Variants in CLCA2 observed in about 807,000 individuals in gnomAD.
The protein encoded by CLCA2 is calcium-activated chloride channel regulator 2.
In CLCA2, 85 loss-of-function variants were observed where a neutral mutation model predicts 82.9. The observed-to-expected ratio is 1.03, with a 90% CI of 0.86 to 1.23. The LOEUF is 1.23. Ranked by LOEUF, CLCA2 falls within the 50% of genes most tolerant of loss-of-function variation. The pLI, the probability that CLCA2 is intolerant of heterozygous loss-of-function variation, is 0.00. For synonymous variants in CLCA2, 421 were observed against 391.7 expected (o/e 1.07, Z -0.88); for missense variants, 1,089 against 1,124.8 (o/e 0.97, Z 0.45).
chr1:86,426,718 G>A (rs1198915888), intron 2 of CLCA2, among the ~76,000 whole-genome samples: 2 of 152,154 alleles, frequency 1.3e-5, no homozygotes, highest in East Asian at 1.9e-4. Context: ...CTAACAGCTA[G>A]TAAATTACAG....
chr1:86,434,544 C>G lies in CLCA2; in HGVS notation c.771C>G (p.Thr257=), dbSNP rs771951169. The G allele has an allele frequency of 6.2e-7, 1 of 1,613,896 alleles. No individual in the cohort carries two copies. The highest frequency in any genetic ancestry group is 1.7e-5 in the Admixed American group (1 of 59,990). The change falls in exon 6 of 14, where the codon ACC becomes ACG. Residue 257 remains threonine (T), a synonymous_variant. Transcript: ENST00000370565. ...TGGTTGAATTTTGTAATGCAAGTAC[C>G]CACAACCAAGAAGCACCAAACCTAC... ...SSVVEFCNAS[T]HNQEAPNLQN...
intron 2 of CLCA2, 138 bp downstream of exon 2, chr1:86,425,614 A>G: frequency 6.8e-6 from 4 of 589,264 alleles, no homozygotes; most frequent in Non-Finnish European, 7.6e-6. Context: ...TAATGGGCAG[A>G]ATGTTATCAA....
chr1:86,447,778 G>A lies in CLCA2; in HGVS notation c.1984G>A (p.Gly662Ser), dbSNP rs768615512. The A allele has an allele frequency of 1.9e-6, 3 of 1,610,658 alleles. No individual in the cohort carries two copies. Among genetic ancestry groups the A allele is most frequent in the African/African-American group, 2.7e-5 (2 of 75,028 alleles). The stretch of plus-strand genomic sequence containing the variant: ...GCTGAGACTCCTTGATGATGGAGCA[G>A]GTAACAAGGAATGTCATGACATTTT... ...VTLRLLDDGA[G>S]ADVIKNDGIY... Residue 662 changes from glycine to serine, a missense_variant and splice_region_variant, in exon 11 of 14, where the codon GGT becomes AGT. Coordinates refer to ENST00000370565, the MANE Select transcript of CLCA2 (RefSeq NM_006536.7).
intron 9 of CLCA2, among the ~76,000 whole-genome samples, chr1:86,442,466 C>T (rs2252313): frequency 0.81 from 123,416 of 152,158 alleles, 50,536 homozygotes; most frequent in Non-Finnish European, 0.86. Flanking sequence ...CCCAAACTTG[C>T]CCCCCTCCCG....
intron 1 of CLCA2, 66 bp from the exon 2 acceptor site, chr1:86,425,273 A>T (rs1662364740): frequency 8.2e-7 from 1 of 1,217,504 alleles, no homozygotes; most frequent in South Asian, 1.6e-5. Flanking sequence ...GTTTAAGCAT[A>T]CCAGAAAACC....
At chr1:86,443,345 G>A (rs12087904) in intron 9 of CLCA2, among the ~76,000 whole-genome samples, 14,200 of 152,132 alleles carry the variant, frequency 0.093, 743 homozygotes, top group Middle Eastern at 0.16. Context: ...ATTTTTTAAC[G>A]TAGCAAAACC....
At chr1:86,446,121 G>A (rs1409948892) in intron 10 of CLCA2, among the ~76,000 whole-genome samples, 1 of 152,054 alleles carries the variant, frequency 6.6e-6, no homozygotes, top group African/African-American at 2.4e-5. Flanking sequence ...AATCCAGTAG[G>A]GGTCCAACAG....
intron 9 of CLCA2, among the ~76,000 whole-genome samples, chr1:86,443,324 C>T (rs971090686): frequency 6.6e-6 from 1 of 152,140 alleles, no homozygotes; most frequent in Non-Finnish European, 1.5e-5. Flanking sequence ...CCACTGTGCC[C>T]GGCCTAAATA....
chr1:86,455,281 T>C lies in CLCA2; in HGVS notation c.2586T>C (p.Ile862=). Residue 862 remains isoleucine, a synonymous_variant, in exon 14 of 14, where the codon ATT becomes ATC. Coordinates refer to ENST00000370565, the MANE Select transcript of CLCA2 (RefSeq NM_006536.7). ...PNGETHESHR[I]YVAIRAMDRN... is the part of the protein sequence containing the mutation. ...GAGAAACACATGAAAGCCACAGAAT[T>C]TATGTTGCAATACGAGCAATGGATA... 1 of 1,614,118 alleles carries C rather than the reference T, an allele frequency of 6.2e-7. No individual in the cohort carries two copies. Among genetic ancestry groups the C allele is most frequent in the Non-Finnish European group, 8.5e-7 (1 of 1,180,016 alleles).
chr1:86,441,003 T>C (rs1288071080), intron 8 of CLCA2, among the ~76,000 whole-genome samples: 1 of 152,234 alleles, frequency 6.6e-6, no homozygotes, highest in East Asian at 1.9e-4. Context: ...AATAATTTTA[T>C]CTTATATTCC....
At chr1:86,425,500 A>C in intron 2 of CLCA2, 24 bp downstream of exon 2, 1 of 1,501,700 alleles carries the variant, frequency 6.7e-7, no homozygotes, top group East Asian at 2.4e-5. Flanking sequence ...ATTTCATTCA[A>C]TGATCTCAAG....
At chr1:86,437,732 G>A (rs763121087) in intron 6 of CLCA2, among the ~76,000 whole-genome samples, 16 of 152,100 alleles carry the variant, frequency 1.1e-4, no homozygotes, top group African/African-American at 3.9e-4. Flanking sequence ...CAAGAATATG[G>A]AGGCTGGTAA....
rs780019051 is a variant in CLCA2, at chr1:86,455,850, G to A, written c.*323G>A. 1.2e-4 allele frequency: 20 copies of A among 162,976 alleles called. No individual in the cohort carries two copies. Among genetic ancestry groups the A allele is most frequent in the Non-Finnish European group, 2.3e-4 (17 of 75,528 alleles). The allele number at this position is 162,976 out of a possible 1,614,324, so 10.1% of individuals were successfully genotyped here. A position where few individuals can be genotyped will look rare whatever the true frequency, so the allele number is the denominator to read the frequency against. On this transcript the variant is annotated 3_prime_UTR_variant, in exon 14 of 14. Transcript: ENST00000370565. ...GAAAAATAGCCCCAAGCAGAGAAAA[G>A]GAGGGTAGGTCTGCATTATAACTGT...
At position 86,453,523 on chromosome 1, in the gene CLCA2, T is replaced by G. The variant is rs1400540257; in HGVS notation, c.2310T>G (p.Ile770Met). The G allele has an allele frequency of 6.2e-7, 1 of 1,614,180 alleles. No homozygotes were observed. The highest frequency in any genetic ancestry group is 2.2e-5 in the East Asian group (1 of 44,872). The change falls in exon 13 of 14, where the codon ATT becomes ATG. Residue 770 changes from isoleucine to methionine, a missense_variant. Transcript: ENST00000370565. ...ATGTGTTTCCACCATGCAAAATTATTGACCTGGAAGCTGTAAAAGTAGAAG... is the reference window on the plus strand; with the variant it reads ...ATGTGTTTCCACCATGCAAAATTATGGACCTGGAAGCTGTAAAAGTAGAAG... The part of the protein sequence containing the change: ...HPDVFPPCKI[I>M]DLEAVKVEEE...
At position 86,438,868 on chromosome 1, in the gene CLCA2, G is replaced by A; in HGVS notation, c.973-8G>A. On this transcript the variant is annotated splice_region_variant and splice_polypyrimidine_tract_variant and intron_variant, in intron 6 of 13. Coordinates refer to ENST00000370565, the MANE Select transcript of CLCA2 (RefSeq NM_006536.7). ...TTGCCATTTTCTTTTTTCCTTTTTG[G>A]GACATAGGCTGACAGACTCCTTCAA... is the stretch of plus-strand genomic sequence containing the variant. 6.2e-7 allele frequency: 1 copy of A among 1,609,194 alleles called. No homozygotes were observed. Among genetic ancestry groups the A allele is most frequent in the East Asian group, 2.2e-5 (1 of 44,816 alleles).
chr1:86,437,453 G>T (rs545532663), intron 6 of CLCA2, among the ~76,000 whole-genome samples: 21 of 152,322 alleles, frequency 1.4e-4, no homozygotes, highest in African/African-American at 5.1e-4. Flanking sequence ...TTCACTGAGA[G>T]AATCAATTTG....
At chr1:86,436,216 T>C (rs1662606914) in intron 6 of CLCA2, among the ~76,000 whole-genome samples, 1 of 152,210 alleles carries the variant, frequency 6.6e-6, no homozygotes, top group South Asian at 2.1e-4. Context: ...TGTATGGATG[T>C]GCTACTACAA....
Position 86,438,934 on chromosome 1 carries a change from A to C in CLCA2, c.1031A>C (p.Glu344Ala). The stretch of plus-strand genomic sequence containing the variant: ...GAATTTTATTTGATGCAGATTGTTG[A>C]AATTCATACCTTCGTGGGCATTGCC... ...AAEFYLMQIVEIHTFVGIASF... is the reference protein window; with the variant it reads ...AAEFYLMQIVAIHTFVGIASF... Residue 344 changes from glutamate (E) to alanine (A), a missense_variant, in exon 7 of 14, where the codon GAA becomes GCA. Physicochemically the swap from Glu to Ala is moderately radical, Grantham distance 107. Coordinates refer to ENST00000370565, the MANE Select transcript of CLCA2 (RefSeq NM_006536.7). 1 of 1,614,142 alleles carries C rather than the reference A, an allele frequency of 6.2e-7. No individual in the cohort carries two copies. Among genetic ancestry groups the C allele is most frequent in the Non-Finnish European group, 8.5e-7 (1 of 1,180,008 alleles).
rs1161091593 is a variant in CLCA2, at chr1:86,456,271, T to C, written c.*744T>C. 2.0e-5 allele frequency: 3 copies of C among 152,234 alleles called. No homozygotes were observed. The highest frequency in any genetic ancestry group is 7.2e-5 in the African/African-American group (3 of 41,462). The allele number at this position is 152,234 out of a possible 1,614,324, so 9.4% of individuals were successfully genotyped here. On this transcript the variant is annotated 3_prime_UTR_variant, in exon 14 of 14. Transcript: ENST00000370565. ...TTAACTAAGGAAGAAAAGATGTTAT[T>C]CTGAGTTTGTTTTAATACATATATG...
Sources: allele counts gnomAD v4.1 joint callset (sites outside exome capture counted in the v4.1 genomes callset), GRCh38; gene constraint gnomAD v4.1.1; transcripts MANE v1.5; gene names NCBI Gene and HGNC (gene_info 2026-07-23, HGNC 2026-07-21).